KALRN: variants seen among roughly 807,000 people sequenced by gnomAD.
KALRN encodes the protein kalirin RhoGEF kinase, also known as kalirin.
KALRN carries 70 observed loss-of-function variants against 353.7 expected under a neutral mutation model. That is an observed-to-expected ratio of 0.20 (90% confidence interval 0.16 to 0.24). The LOEUF (loss-of-function observed/expected upper bound fraction) is 0.24, where lower values mean the gene tolerates loss of function less well. Among genes scored for constraint, KALRN ranks in the 10% least tolerant of loss-of-function variants. The pLI is 1.00. For synonymous variants in KALRN, 1,391 were observed against 1,434.8 expected (o/e 0.97, Z 0.69); for missense variants, 2,791 against 3,756.7 (o/e 0.74, Z 6.72).
rs139999445 is a variant in KALRN, at chr3:124,374,936, T to C, written c.1771-9909T>C. On this transcript the variant is annotated intron_variant, in intron 10 of 59. Transcript: ENST00000682506. Reference sequence around the variant, plus strand: ...CTGCTTGTTTCTTTGGCTTCAGGAATTCCATGCAAGAATGAATTTCTGCCG... The same window carrying C: ...CTGCTTGTTTCTTTGGCTTCAGGAACTCCATGCAAGAATGAATTTCTGCCG... 2.8e-3 allele frequency among the ~76,000 whole-genome samples: 430 copies of C among 152,322 alleles called. 3 individuals are homozygous for C. The highest frequency in any genetic ancestry group is 0.01 in the African/African-American group (416 of 41,562).
In KALRN at chr3:124,434,297, T is replaced by G; in HGVS notation, c.2830-10T>G. On this transcript the variant is annotated splice_polypyrimidine_tract_variant and intron_variant, in intron 16 of 59. Coordinates refer to ENST00000682506, the MANE Select transcript of KALRN (RefSeq NM_001388419.1). ...TCCCACGGACCTTTCTCTCCTCTCC[T>G]TGTGCCCAGTCCCTCTTTCATGCCA... 6.2e-7 allele frequency: 1 copy of G among 1,611,570 alleles called. No homozygotes were observed. Among genetic ancestry groups the G allele is most frequent in the South Asian group, 1.1e-5 (1 of 90,960 alleles).
chr3:124,073,579 A>G (rs192524085), intron 1 of KALRN, among the ~76,000 whole-genome samples: 191 of 152,346 alleles, frequency 1.3e-3, no homozygotes, highest in African/African-American at 4.5e-3. Context: ...AGGAGAAAAT[A>G]TAAAAAAGGA....
chr3:124,519,667 G>A (rs958194109), intron 33 of KALRN: 131 of 985,218 alleles, frequency 1.3e-4, no homozygotes, highest in Admixed American at 6.1e-4. Context: ...CGAAGGAATC[G>A]TGCTCTCAAT....
At chr3:124,185,572 G>A (rs2074116988) in intron 1 of KALRN, among the ~76,000 whole-genome samples, 1 of 152,208 alleles carries the variant, frequency 6.6e-6, no homozygotes, top group Non-Finnish European at 1.5e-5. Flanking sequence ...TCCTTGGCAG[G>A]TCTGTCTGGT....
chr3:124,203,427 C>T (rs150212058), intron 1 of KALRN, among the ~76,000 whole-genome samples: 2 of 152,282 alleles, frequency 1.3e-5, no homozygotes, highest in Non-Finnish European at 2.9e-5. Context: ...GAGTTGAGGG[C>T]AGAGCCAGGC....
chr3:124,045,622 C>T (rs1341958358), intron 1 of KALRN, among the ~76,000 whole-genome samples: 5 of 152,152 alleles, frequency 3.3e-5, no homozygotes, highest in Admixed American at 6.5e-5. Flanking sequence ...GAGCAGATCT[C>T]TTCATTTATT....
rs2079563381 is a variant in KALRN at position 124,234,852 on chromosome 3, C to T, written c.172C>T (p.Pro58Ser). Reference sequence around the variant, plus strand: ...AGGGGGTCGTGATAAGCGAGGCGGACCCATCCTGACCTTCCCTGCTCGCAG... The same window carrying T: ...AGGGGGTCGTGATAAGCGAGGCGGATCCATCCTGACCTTCCCTGCTCGCAG... ...VSGGRDKRGG[P>S]ILTFPARSNH... The change falls in exon 3 of 60, where the codon CCC becomes TCC. Residue 58 changes from proline (P) to serine (S), a missense_variant. Coordinates refer to ENST00000682506, the MANE Select transcript of KALRN (RefSeq NM_001388419.1). 1 of 1,606,036 alleles carries T rather than the reference C, an allele frequency of 6.2e-7. No individual in the cohort carries two copies. Among genetic ancestry groups the T allele is most frequent in the South Asian group, 1.1e-5 (1 of 89,486 alleles).
intron 5 of KALRN, among the ~76,000 whole-genome samples, chr3:124,271,821 CTT>C (rs993143632): frequency 7.9e-5 from 12 of 152,340 alleles, no homozygotes; most frequent in Middle Eastern, 3.4e-3. Flanking sequence ...GCCATGGACT[CTT>C]TTGGTCTGGT....
intron 33 of KALRN, among the ~76,000 whole-genome samples, chr3:124,531,574 C>G (rs1472520902): frequency 6.6e-6 from 1 of 152,178 alleles, no homozygotes; most frequent in East Asian, 1.9e-4. Flanking sequence ...ATGATGCTCA[C>G]ATCTGCTGGG....
intron 9 of KALRN, among the ~76,000 whole-genome samples, chr3:124,344,229 A>G (rs2082053238): frequency 6.6e-6 from 1 of 152,242 alleles, no homozygotes; most frequent in Non-Finnish European, 1.5e-5. Context: ...ATTGATGTTC[A>G]GATTCTGGGA....
chr3:124,614,632 A>G (rs956842819), intron 34 of KALRN, among the ~76,000 whole-genome samples: 7 of 149,624 alleles, frequency 4.7e-5, no homozygotes, highest in Admixed American at 1.3e-4. Context: ...ATGTAGTGGC[A>G]CAATCATGGC....
chr3:124,270,824 G>GTTTTTGTTTTTTTTTTTTTTTTTT (rs1553885288), intron 5 of KALRN, among the ~76,000 whole-genome samples: 1 of 78,654 alleles, frequency 1.3e-5, no homozygotes. Context: ...TTTTTGTTTT[G>GTTTTTGTTTTTTTTTTTTTTTTTT]TTTTTTTTTT....
chr3:124,182,420 A>T (rs922952190), intron 1 of KALRN, among the ~76,000 whole-genome samples: 31 of 152,146 alleles, frequency 2.0e-4, no homozygotes, highest in African/African-American at 7.5e-4. Flanking sequence ...TTTGGGGCTG[A>T]GGGTCTCAGT....
At chr3:124,085,431 A>G (rs1211466915) in intron 1 of KALRN, among the ~76,000 whole-genome samples, 1 of 152,238 alleles carries the variant, frequency 6.6e-6, no homozygotes, top group Non-Finnish European at 1.5e-5. Flanking sequence ...CTTGTTATGG[A>G]GAACCCATCC....
chr3:124,350,693 G>A (rs1329620525), intron 10 of KALRN, among the ~76,000 whole-genome samples: 1 of 152,144 alleles, frequency 6.6e-6, no homozygotes, highest in African/African-American at 2.4e-5. Flanking sequence ...CCCTTCCAAT[G>A]AGTAATCCAC....
chr3:124,209,488 G>A (rs954592847), intron 1 of KALRN, among the ~76,000 whole-genome samples: 2 of 77,862 alleles, frequency 2.6e-5, no homozygotes, highest in African/African-American at 1.0e-4. Flanking sequence ...GACTCACTCT[G>A]TCTCAAAAAA....
chr3:124,375,371 C>G (rs1473076737), intron 10 of KALRN, among the ~76,000 whole-genome samples: 1 of 152,214 alleles, frequency 6.6e-6, no homozygotes, highest in African/African-American at 2.4e-5. Context: ...GGGCCAACCT[C>G]TGGCCTCTAG....
chr3:124,548,421 T>G (rs557591583), intron 33 of KALRN, among the ~76,000 whole-genome samples: 10 of 152,348 alleles, frequency 6.6e-5, no homozygotes, highest in African/African-American at 2.4e-4. Context: ...GGGACCTACA[T>G]TTTAATTATC....
chr3:124,230,335 G>A (rs1700229319), intron 2 of KALRN, among the ~76,000 whole-genome samples: 1 of 152,156 alleles, frequency 6.6e-6, no homozygotes, highest in African/African-American at 2.4e-5. Flanking sequence ...TCCAGAGTCA[G>A]TTTCTACTTT....
Sources: allele counts gnomAD v4.1 joint callset (sites outside exome capture counted in the v4.1 genomes callset), GRCh38; gene constraint gnomAD v4.1.1; transcripts MANE v1.5; gene names NCBI Gene and HGNC (gene_info 2026-07-23, HGNC 2026-07-21).